RAB11FIP3: variants seen among roughly 807,000 people sequenced by gnomAD.
RAB11FIP3 encodes the protein rab11 family-interacting protein 3.
A neutral mutation model predicts 77.8 loss-of-function variants in RAB11FIP3; 17 were observed. The ratio of observed to expected loss-of-function variants is 0.22; its 90% CI spans 0.15 to 0.33. The LOEUF (loss-of-function observed/expected upper bound fraction) is 0.33, where lower values mean the gene tolerates loss of function less well. RAB11FIP3 is among the 10% of genes least tolerant of loss of function. The probability of loss-of-function intolerance (pLI) is 1.00; values close to 1 mark genes in which losing one functional copy is unlikely to be tolerated. For synonymous variants in RAB11FIP3, 437 were observed against 448.2 expected (o/e 0.98, Z 0.31); for missense variants, 1,005 against 1,011.2 (o/e 0.99, Z 0.08).
chr16:496,655 G>T (rs2031160381), intron 5 of RAB11FIP3, among the ~76,000 whole-genome samples, 169 bp from the exon 6 acceptor site: 1 of 152,220 alleles, frequency 6.6e-6, no homozygotes, highest in Non-Finnish European at 1.5e-5. Context: ...TGTCCTTGCT[G>T]TTTTGCTGAG....
At chr16:427,013 AC>A (rs918357949) in intron 1 of RAB11FIP3, among the ~76,000 whole-genome samples, 2 of 149,774 alleles carry the variant, frequency 1.3e-5, no homozygotes, top group African/African-American at 4.9e-5. Context: ...GCCTGGGGAC[AC>A]CCCCCCAGGG....
At chr16:455,054 A>C (rs1252114988) in intron 1 of RAB11FIP3, among the ~76,000 whole-genome samples, 1 of 149,698 alleles carries the variant, frequency 6.7e-6, no homozygotes, top group Non-Finnish European at 1.5e-5. Flanking sequence ...CGTCTCAAAA[A>C]AAAAAACAAA....
At position 522,697 on chromosome 16, in the gene RAB11FIP3, G is replaced by C. The variant is rs2032750849; in HGVS notation, c.*1858G>C. On this transcript the variant is annotated 3_prime_UTR_variant, in exon 14 of 14. Coordinates refer to ENST00000262305, the MANE Select transcript of RAB11FIP3 (RefSeq NM_014700.4). ...GTGGAGCCTGGCAGCTTTCCAGCCAGGTTCTGGATCCTGACGAGCTGCTGA... is the reference window on the plus strand; with the variant it reads ...GTGGAGCCTGGCAGCTTTCCAGCCACGTTCTGGATCCTGACGAGCTGCTGA... 6.6e-6 allele frequency: 1 copy of C among 152,386 alleles called. No individual in the cohort carries two copies. 9.4% of individuals were successfully genotyped at this position (152,386 alleles called of 1,614,324 possible).
intron 1 of RAB11FIP3, among the ~76,000 whole-genome samples, chr16:441,661 C>A (rs1332974526): frequency 6.6e-6 from 1 of 152,204 alleles, no homozygotes; most frequent in African/African-American, 2.4e-5. Context: ...CTGGCTGGAG[C>A]CCTCTGCCCC....
chr16:450,956 C>G (rs938962311), intron 1 of RAB11FIP3, among the ~76,000 whole-genome samples: 8 of 151,646 alleles, frequency 5.3e-5, no homozygotes, highest in African/African-American at 1.9e-4. Flanking sequence ...CCTTCTGTTA[C>G]CGCAGCGCTC....
intron 8 of RAB11FIP3, 24 bp from the exon 9 acceptor site, chr16:510,636 C>T (rs374734965): frequency 1.9e-6 from 3 of 1,576,634 alleles, no homozygotes; most frequent in Non-Finnish European, 2.6e-6. Flanking sequence ...GGAGACAGCT[C>T]AGCTCCTCCC....
At chr16:485,267 G>A (rs1323265304) in intron 4 of RAB11FIP3, among the ~76,000 whole-genome samples, 1 of 152,140 alleles carries the variant, frequency 6.6e-6, no homozygotes, top group Non-Finnish European at 1.5e-5. Flanking sequence ...GCAGGACTTG[G>A]CCTGCCCCTG....
intron 2 of RAB11FIP3, among the ~76,000 whole-genome samples, chr16:463,361 C>CTCTAAGGG (rs2055648002): frequency 6.6e-6 from 1 of 151,110 alleles, no homozygotes; most frequent in Admixed American, 6.6e-5. Flanking sequence ...CTGACAGTGT[C>CTCTAAGGG]TCTAAGGGTT....
chr16:501,689 A>T (rs1025312795), intron 6 of RAB11FIP3, among the ~76,000 whole-genome samples: 1 of 146,230 alleles, frequency 6.8e-6, no homozygotes, highest in Non-Finnish European at 1.5e-5. Context: ...TTTCATAGGC[A>T]GGGAAGCTGG....
intron 1 of RAB11FIP3, among the ~76,000 whole-genome samples, chr16:430,080 T>G (rs1048618691): frequency 6.6e-6 from 1 of 152,110 alleles, no homozygotes; most frequent in African/African-American, 2.4e-5. Context: ...CAAGTGGAGC[T>G]TTCTGGTTAT....
chr16:470,274 G>C (rs1303519261), intron 2 of RAB11FIP3, among the ~76,000 whole-genome samples: 1 of 151,834 alleles, frequency 6.6e-6, no homozygotes, highest in Non-Finnish European at 1.5e-5. Flanking sequence ...CTGGGATTAC[G>C]AGTGTGAGCC....
chr16:520,228 G>C lies in RAB11FIP3; in HGVS notation c.1967G>C (p.Ser656Thr), dbSNP rs1287442802. The change falls in exon 12 of 14, where the codon AGC becomes ACC. Residue 656 changes from serine (S) to threonine (T), a missense_variant. Ser to Thr is a moderately conservative substitution (Grantham distance 58). Coordinates refer to ENST00000262305, the MANE Select transcript of RAB11FIP3 (RefSeq NM_014700.4). ...AGCATGGGCCTGCAGGAGTACCACA[G>C]CCGCGCCCGGGAGAGCGAGCTGGAG... Reference protein sequence around the residue: ...SSSMGLQEYHSRARESELEQE... With the variant: ...SSSMGLQEYHTRARESELEQE... 2 of 1,545,696 alleles carry C rather than the reference G, an allele frequency of 1.3e-6. No individual in the cohort carries two copies. The highest frequency in any genetic ancestry group is 3.9e-5 in the Admixed American group (2 of 51,204).
chr16:426,900 G>A lies in RAB11FIP3; in HGVS notation c.714+180G>A, dbSNP rs572004388. Among the ~76,000 whole-genome samples the A allele has an allele frequency of 6.6e-5, 10 of 152,214 alleles. No homozygotes were observed. The highest frequency in any genetic ancestry group is 2.4e-4 in the African/African-American group (10 of 41,518). On this transcript the variant is annotated intron_variant, in intron 1 of 13. Coordinates refer to ENST00000262305, the MANE Select transcript of RAB11FIP3 (RefSeq NM_014700.4). The surrounding 1 kb of genome is among the most constrained non-coding windows in gnomAD (Gnocchi z 5.0). Reference sequence around the variant, plus strand: ...CTGGATTTCTGGTTGAATTGCGCTGGAGTCCCTCTTCCCTTCTTAAAAGGA... The same window carrying A: ...CTGGATTTCTGGTTGAATTGCGCTGAAGTCCCTCTTCCCTTCTTAAAAGGA...
At chr16:467,327 C>T (rs2055718127) in intron 2 of RAB11FIP3, among the ~76,000 whole-genome samples, 1 of 152,192 alleles carries the variant, frequency 6.6e-6, no homozygotes, top group Non-Finnish European at 1.5e-5. Flanking sequence ...GTGGGGCATC[C>T]CTGAGAGCTG....
chr16:503,244 GC>G, intron 7 of RAB11FIP3, 147 bp downstream of exon 7: 1 of 618,216 alleles, frequency 1.6e-6, no homozygotes, highest in Non-Finnish European at 2.8e-6. Context: ...TGTCCATCCA[GC>G]CCCGATGCTC....
At chr16:490,154 A>G (rs2030048223) in intron 5 of RAB11FIP3, among the ~76,000 whole-genome samples, 4 of 152,328 alleles carry the variant, frequency 2.6e-5, no homozygotes, top group South Asian at 4.1e-4. Flanking sequence ...GCTACATTGT[A>G]TGTTTCACTT....
At chr16:473,974 C>T (rs1232467964) in intron 3 of RAB11FIP3, among the ~76,000 whole-genome samples, 1 of 152,164 alleles carries the variant, frequency 6.6e-6, no homozygotes, top group Non-Finnish European at 1.5e-5. Context: ...GCCTCTTTCC[C>T]TTAGTGAATA....
chr16:480,157 C>T (rs35484031), intron 3 of RAB11FIP3, among the ~76,000 whole-genome samples: 61,226 of 150,256 alleles, frequency 0.41, 13,886 homozygotes, highest in Middle Eastern at 0.54. Context: ...TGGTGGCACG[C>T]ATCTATAATC....
At chr16:464,937 G>T (rs554653011) in intron 2 of RAB11FIP3, among the ~76,000 whole-genome samples, 22 of 152,254 alleles carry the variant, frequency 1.4e-4, no homozygotes, top group African/African-American at 4.3e-4. Flanking sequence ...ACAGAATTTT[G>T]TGTGTAATAG....
Sources: gnomAD v4.1 joint callset for allele counts (sites outside exome capture counted in the v4.1 genomes callset) on GRCh38, gnomAD v4.1.1 for gene constraint, Gnocchi (gnomAD v3.1) non-coding constraint, MANE v1.5 for transcripts, NCBI Gene and HGNC (gene_info 2026-07-23, HGNC 2026-07-21) for gene names.